Variants in SPOCK3 observed in about 807,000 individuals in gnomAD.
SPOCK3 encodes testican-3.
In SPOCK3, 30 loss-of-function variants were observed where a neutral mutation model predicts 56.6. That is an observed-to-expected ratio of 0.53 (90% CI 0.40 to 0.72). The LOEUF (loss-of-function observed/expected upper bound fraction) is 0.72. SPOCK3 is among the 30% of genes least tolerant of loss of function. The pLI, the probability that SPOCK3 is intolerant of heterozygous loss-of-function variation, is 0.00. For synonymous variants in SPOCK3, 196 were observed against 183.3 expected (o/e 1.07, Z -0.56); for missense variants, 527 against 530.0 (o/e 0.99, Z 0.06).
intron 7 of SPOCK3, among the ~76,000 whole-genome samples, chr4:166,768,571 G>T (rs1445748545): frequency 3.3e-5 from 5 of 151,934 alleles, no homozygotes; most frequent in Admixed American, 2.6e-4. Context: ...TAGTCTGATG[G>T]GTTTCCCTTT....
intron 6 of SPOCK3, among the ~76,000 whole-genome samples, chr4:166,839,418 T>C (rs1032026295): frequency 6.6e-6 from 1 of 152,170 alleles, no homozygotes; most frequent in Non-Finnish European, 1.5e-5. Context: ...GTCTTGACTT[T>C]CCACTAGACT....
chr4:167,005,342 T>C (rs1413176518), intron 3 of SPOCK3, among the ~76,000 whole-genome samples: 1 of 152,018 alleles, frequency 6.6e-6, no homozygotes, highest in Non-Finnish European at 1.5e-5. Flanking sequence ...TCCGAGTAGC[T>C]GGGACTACAG....
intron 3 of SPOCK3, among the ~76,000 whole-genome samples, chr4:167,006,788 C>A (rs756842036): frequency 3.0e-4 from 45 of 152,076 alleles, no homozygotes; most frequent in Non-Finnish European, 5.6e-4. Flanking sequence ...CGCCTCTTTT[C>A]CCAGGCATAT....
rs148776189 is a variant in SPOCK3, at chr4:166,988,012, T to C, written c.350+12337A>G. On this transcript the variant is annotated intron_variant, in intron 4 of 10. Coordinates refer to ENST00000357545, the MANE Select transcript of SPOCK3 (RefSeq NM_001040159.2). ...TTTCGTATGCTTGCTTTAAAAAATA[T>C]AGAAATTTGCATTTGTTCATATATG... is the stretch of plus-strand genomic sequence containing the variant. Among the ~76,000 whole-genome samples the C allele has an allele frequency of 1.7e-3, 260 of 152,224 alleles. 2 individuals are homozygous for C. Among genetic ancestry groups the C allele is most frequent in the African/African-American group, 5.7e-3 (236 of 41,550 alleles).
At chr4:167,205,549 T>TA (rs1561322794) in intron 2 of SPOCK3, among the ~76,000 whole-genome samples, 3 of 59,496 alleles carry the variant, frequency 5.0e-5, no homozygotes, top group African/African-American at 2.5e-4. Context: ...ATATATTATA[T>TA]AATATATAAT....
chr4:166,830,106 T>A (rs1193504811), intron 6 of SPOCK3, among the ~76,000 whole-genome samples: 1 of 152,178 alleles, frequency 6.6e-6, no homozygotes, highest in East Asian at 1.9e-4. Flanking sequence ...ACGTAAGATA[T>A]CTCTCAATCA....
rs1311203438 is a variant in SPOCK3 at position 167,124,481 on chromosome 4, T to C, written c.190-61944A>G. ...TCAGTTAACAGAAAGTCTGTTCTTC[T>C]AGTTCCTCATGCCACATCTTTAATG... On this transcript the variant is annotated intron_variant, in intron 2 of 10. Transcript: ENST00000357545. Among the ~76,000 whole-genome samples the C allele has an allele frequency of 2.6e-5, 4 of 152,234 alleles. No homozygotes were observed. The East Asian group carries it at 7.7e-4, about 29-fold the overall frequency.
chr4:167,044,736 T>C (rs543159516), intron 3 of SPOCK3, among the ~76,000 whole-genome samples: 16 of 152,148 alleles, frequency 1.1e-4, no homozygotes, highest in Non-Finnish European at 2.1e-4. Context: ...GTTATCTTTC[T>C]GTTATTGATT....
At chr4:167,023,113 C>A (rs1272926571) in intron 3 of SPOCK3, among the ~76,000 whole-genome samples, 1 of 151,844 alleles carries the variant, frequency 6.6e-6, no homozygotes, top group African/African-American at 2.4e-5. Context: ...TCAATGCGAG[C>A]TAATGGTCTT....
At chr4:167,005,838 AAATT>A (rs1472537012) in intron 3 of SPOCK3, among the ~76,000 whole-genome samples, 8 of 152,286 alleles carry the variant, frequency 5.3e-5, no homozygotes, top group Admixed American at 3.3e-4. Flanking sequence ...GAATTAATGT[AAATT>A]AATTTATGAT....
intron 4 of SPOCK3, among the ~76,000 whole-genome samples, chr4:166,982,194 T>G (rs1277331756): frequency 1.3e-5 from 2 of 152,182 alleles, no homozygotes; most frequent in African/African-American, 4.8e-5. Flanking sequence ...GCCTCCCCTG[T>G]TGCAGCCAGT....
intron 2 of SPOCK3, among the ~76,000 whole-genome samples, chr4:167,124,340 C>G (rs1422007168): frequency 6.6e-6 from 1 of 152,180 alleles, no homozygotes; most frequent in African/African-American, 2.4e-5. Context: ...CATCTCTATT[C>G]AATATCTCCA....
intron 6 of SPOCK3, among the ~76,000 whole-genome samples, chr4:166,792,945 TATC>T (rs1343513699): frequency 1.3e-5 from 2 of 152,044 alleles, no homozygotes; most frequent in African/African-American, 4.8e-5. Context: ...TTTTTAAAGA[TATC>T]ATTATTTATC....
chr4:166,744,988 T>C (rs1397920923), intron 8 of SPOCK3, among the ~76,000 whole-genome samples: 1 of 152,060 alleles, frequency 6.6e-6, no homozygotes, highest in Non-Finnish European at 1.5e-5. Flanking sequence ...TGGGACTATG[T>C]GAAGAGACCA....
chr4:167,110,878 T>C (rs1411965214), intron 2 of SPOCK3, among the ~76,000 whole-genome samples: 1 of 152,044 alleles, frequency 6.6e-6, no homozygotes, highest in African/African-American at 2.4e-5. Context: ...TGCTACCATA[T>C]AATTTATTAT....
At chr4:167,172,453 T>C (rs1424221515) in intron 2 of SPOCK3, among the ~76,000 whole-genome samples, 1 of 152,180 alleles carries the variant, frequency 6.6e-6, no homozygotes, top group Non-Finnish European at 1.5e-5. Flanking sequence ...TTTATGTATA[T>C]AAACTGACAA....
chr4:166,942,494 T>TA (rs1231286225), intron 4 of SPOCK3, among the ~76,000 whole-genome samples: 40 of 145,994 alleles, frequency 2.7e-4, no homozygotes, highest in South Asian at 4.4e-4. Context: ...AAACAAAAGT[T>TA]AAAAAAAAAA....
intron 5 of SPOCK3, among the ~76,000 whole-genome samples, chr4:166,897,245 T>C (rs1474406143): frequency 6.6e-6 from 1 of 152,100 alleles, no homozygotes; most frequent in African/African-American, 2.4e-5. Flanking sequence ...TGCCCTATTA[T>C]TGTGTAGTGT....
intron 3 of SPOCK3, among the ~76,000 whole-genome samples, chr4:167,059,638 C>G (rs1474937002): frequency 6.6e-6 from 1 of 151,828 alleles, no homozygotes; most frequent in African/African-American, 2.4e-5. Flanking sequence ...TTGACCCAGC[C>G]ATCCCATTAC....
Sources: gnomAD v4.1 joint callset for allele counts (sites outside exome capture counted in the v4.1 genomes callset) on GRCh38, gnomAD v4.1.1 for gene constraint, MANE v1.5 for transcripts, NCBI Gene and HGNC (gene_info 2026-07-23, HGNC 2026-07-21) for gene names.